Variants in ENTREP1 observed in about 807,000 individuals in gnomAD.
ENTREP1 encodes the protein Friedreich ataxia region gene X123.
the ENTREP1 span, chr9:69,325,130 G>C: frequency 2.9e-6 from 3 of 1,040,122 alleles, no homozygotes; most frequent in Non-Finnish European, 3.5e-6. Flanking sequence ...CGGCCGGCTG[G>C]AGCCAGGGCA....
the ENTREP1 span, chr9:69,329,721 T>A: frequency 5.1e-6 from 5 of 985,318 alleles, no homozygotes; most frequent in Non-Finnish European, 6.0e-6. Flanking sequence ...AGGGAGGATC[T>A]CAGTGTCTGT....
chr9:69,337,135 C>T, the ENTREP1 span, among the ~76,000 whole-genome samples: 1 of 150,264 alleles, frequency 6.7e-6, no homozygotes, highest in Admixed American at 6.7e-5. Flanking sequence ...ATGCCTCAGC[C>T]TCCTGAGTAG....
chr9:69,344,664 A>G, the ENTREP1 span, among the ~76,000 whole-genome samples: 2 of 151,972 alleles, frequency 1.3e-5, no homozygotes, highest in African/African-American at 4.8e-5. Context: ...TGAGCCCGTG[A>G]CCTCTACCCC....
the ENTREP1 span, among the ~76,000 whole-genome samples, chr9:69,364,562 G>C: frequency 7.9e-5 from 12 of 152,166 alleles, no homozygotes; most frequent in African/African-American, 2.9e-4. Context: ...ACAAATTTGG[G>C]TCTTGGAAGT....
At chr9:69,327,168 C>T in the ENTREP1 span, among the ~76,000 whole-genome samples, 1 of 152,142 alleles carries the variant, frequency 6.6e-6, no homozygotes, top group African/African-American at 2.4e-5. Context: ...GTTGAATGAA[C>T]TTATTGGGGT....
chr9:69,361,913 GT>G, the ENTREP1 span, among the ~76,000 whole-genome samples: 1 of 151,962 alleles, frequency 6.6e-6, no homozygotes, highest in South Asian at 2.1e-4. Flanking sequence ...CTAAAATTTT[GT>G]TGCTGTTCTC....
chr9:69,349,252 A>G, the ENTREP1 span, among the ~76,000 whole-genome samples: 3 of 150,952 alleles, frequency 2.0e-5, no homozygotes, highest in African/African-American at 7.3e-5. Context: ...ATTAGTGTAC[A>G]ATTTTTTTGT....
chr9:69,345,197 G>T, the ENTREP1 span, among the ~76,000 whole-genome samples: 1 of 152,248 alleles, frequency 6.6e-6, no homozygotes, highest in East Asian at 1.9e-4. Context: ...CAGGGCTTGG[G>T]TGATGGTAGA....
the ENTREP1 span, among the ~76,000 whole-genome samples, chr9:69,357,784 G>A: frequency 3.9e-5 from 6 of 152,246 alleles, no homozygotes; most frequent in South Asian, 2.1e-4. Context: ...CCAAGCATTC[G>A]TTTTGCTAAA....
the ENTREP1 span, chr9:69,379,724 C>A: frequency 9.2e-5 from 14 of 152,316 alleles, no homozygotes; most frequent in African/African-American, 3.1e-4. Flanking sequence ...AATTCTTTGA[C>A]ACTGAGGTTG....
At chr9:69,346,959 T>C in the ENTREP1 span, among the ~76,000 whole-genome samples, 1 of 152,202 alleles carries the variant, frequency 6.6e-6, no homozygotes. Flanking sequence ...AGATAAGCAA[T>C]TGGAGAATAT....
At chr9:69,372,615 T>A in the ENTREP1 span, among the ~76,000 whole-genome samples, 2 of 152,222 alleles carry the variant, frequency 1.3e-5, no homozygotes, top group Non-Finnish European at 2.9e-5. Flanking sequence ...GCCCCCACTC[T>A]TGGTTATTGT....
the ENTREP1 span, among the ~76,000 whole-genome samples, chr9:69,363,486 T>C: frequency 6.6e-6 from 1 of 152,266 alleles, no homozygotes; most frequent in East Asian, 1.9e-4. Flanking sequence ...AATTGACAAG[T>C]GGTTAGTAAA....
At chr9:69,329,594 TTTC>T in the ENTREP1 span, 3 of 985,378 alleles carry the variant, frequency 3.0e-6, no homozygotes, top group Middle Eastern at 5.2e-4. Context: ...GAGCATTTGA[TTTC>T]TTCCTGGTAT....
At chr9:69,326,034 A>T in the ENTREP1 span, among the ~76,000 whole-genome samples, 1 of 152,108 alleles carries the variant, frequency 6.6e-6, no homozygotes, top group Admixed American at 6.5e-5. Context: ...GGAAAGTGGG[A>T]GGAAAATGAT....
chr9:69,367,860 CACATATATATAAAT>C, the ENTREP1 span, among the ~76,000 whole-genome samples: 7 of 79,516 alleles, frequency 8.8e-5, no homozygotes, highest in East Asian at 3.5e-4. Context: ...AATATATACA[CACATATATATAAAT>C]ATATATATAC....
chr9:69,358,363 T>A, the ENTREP1 span, among the ~76,000 whole-genome samples: 1 of 152,196 alleles, frequency 6.6e-6, no homozygotes, highest in African/African-American at 2.4e-5. Context: ...GATACCTGTA[T>A]ATAGCACTTA....
At chr9:69,363,088 T>G in the ENTREP1 span, among the ~76,000 whole-genome samples, 48,323 of 152,150 alleles carry the variant, frequency 0.32, 9,005 homozygotes, top group Admixed American at 0.4. Flanking sequence ...ATCTTGGATT[T>G]TGCAATGTAT....
At chr9:69,326,815 C>T in the ENTREP1 span, among the ~76,000 whole-genome samples, 1 of 91,144 alleles carries the variant, frequency 1.1e-5, no homozygotes, top group South Asian at 4.6e-4. Context: ...CCTCCTGCCT[C>T]GGCCTCCCAA....
Sources: gnomAD v4.1 joint callset for allele counts (sites outside exome capture counted in the v4.1 genomes callset) on GRCh38, gnomAD v4.1.1 for gene constraint, MANE v1.5 for transcripts, NCBI Gene and HGNC (gene_info 2026-07-23, HGNC 2026-07-21) for gene names.